Variants in GON4L observed in about 807,000 individuals in gnomAD.
GON4L encodes GON-4-like protein.
In GON4L, 87 loss-of-function variants were observed where a neutral mutation model predicts 211.8. That is an observed-to-expected ratio of 0.41 (90% CI 0.35 to 0.49). GON4L has a LOEUF of 0.49. GON4L is among the 20% of genes least tolerant of loss of function. The pLI, the probability that GON4L is intolerant of heterozygous loss-of-function variation, is 0.15. For missense variants in GON4L, 2,155 were observed against 2,659.5 expected (o/e 0.81, Z 4.17); for synonymous variants, 875 against 962.6 (o/e 0.91, Z 1.68).
At chr1:155,772,869 C>T (rs1197485384) in intron 18 of GON4L, among the ~76,000 whole-genome samples, 197 bp downstream of exon 18, 1 of 152,162 alleles carries the variant, frequency 6.6e-6, no homozygotes. Context: ...ATGTGTGTGA[C>T]ATCTCCCAAA....
rs770471651 is a variant in GON4L, at chr1:155,765,524, T to C, written c.3949A>G (p.Thr1317Ala). ...QGIQESLNNP[T>A]PGDLEEIVKM... is the part of the protein sequence containing the mutation. ...ACAATTTCCTCTAAATCCCCAGGGG[T>C]AGGGTTGTTTAGAGACTCCTGGATG... Residue 1317 changes from threonine (T) to alanine (A), a missense_variant, in exon 21 of 32, where the codon ACC becomes GCC. Thr to Ala is a moderately conservative substitution (Grantham distance 58). This residue lies in a region of GON4L where 615 missense variants were observed against 625.7 expected (regional missense o/e 0.98). Coordinates refer to ENST00000368331, the MANE Select transcript of GON4L (RefSeq NM_001282860.2). 2.5e-6 allele frequency: 4 copies of C among 1,613,976 alleles called. No individual in the cohort carries two copies. Among genetic ancestry groups the C allele is most frequent in the Middle Eastern group, 1.6e-4 (1 of 6,084 alleles).
At position 155,766,312 on chromosome 1, in the gene GON4L, C is replaced by T. The variant is rs750204505; in HGVS notation, c.3161G>A (p.Gly1054Asp). ...TCCACTGACCCCCAGTGGAGGGACA[C>T]CTGGAACTGTCTGTAAAACAGTGGC... ...QPATVLQTVP[G>D]VPPLGVSGGE... The change falls in exon 21 of 32, where the codon GGT becomes GAT. Residue 1054 changes from glycine to aspartate, a missense_variant. Gly to Asp is a moderately conservative substitution (Grantham distance 94). This residue lies in a region of GON4L where 615 missense variants were observed against 625.7 expected (regional missense o/e 0.98). Coordinates refer to ENST00000368331, the MANE Select transcript of GON4L (RefSeq NM_001282860.2). 1.6e-5 allele frequency: 26 copies of T among 1,613,980 alleles called. No homozygotes were observed. The highest frequency in any genetic ancestry group is 1.6e-4 in the Middle Eastern group (1 of 6,084).
At chr1:155,821,272 AAATAAT>A (rs887754986) in intron 5 of GON4L, among the ~76,000 whole-genome samples, 196 bp downstream of exon 5, 19 of 151,600 alleles carry the variant, frequency 1.3e-4, no homozygotes, top group Non-Finnish European at 2.2e-4. Context: ...TCTCAAAAAA[AAATAAT>A]AATAATAAAA....
chr1:155,767,969 T>C (rs1051257035), intron 19 of GON4L, among the ~76,000 whole-genome samples: 12 of 151,972 alleles, frequency 7.9e-5, no homozygotes, highest in Admixed American at 7.9e-4. Flanking sequence ...TGAAAGGCAT[T>C]AGAAGAGAAG....
intron 2 of GON4L, among the ~76,000 whole-genome samples, chr1:155,829,099 T>A (rs562534667): frequency 6.6e-6 from 1 of 152,264 alleles, no homozygotes; most frequent in East Asian, 1.9e-4. Context: ...TAGCCTGGAG[T>A]GCAGTAGCAT....
intron 2 of GON4L, among the ~76,000 whole-genome samples, chr1:155,830,715 T>C (rs977899520): frequency 6.6e-6 from 1 of 152,064 alleles, no homozygotes; most frequent in Non-Finnish European, 1.5e-5. Context: ...GCATCCCAAG[T>C]AGCTGAGACT....
At chr1:155,830,125 T>A (rs1329576811) in intron 2 of GON4L, among the ~76,000 whole-genome samples, 1 of 151,694 alleles carries the variant, frequency 6.6e-6, no homozygotes, top group African/African-American at 2.4e-5. Context: ...TAATTTTTTA[T>A]TTTTAGTAGA....
intron 11 of GON4L, among the ~76,000 whole-genome samples, chr1:155,801,412 T>C (rs1336498719): frequency 6.6e-6 from 1 of 152,100 alleles, no homozygotes; most frequent in African/African-American, 2.4e-5. Flanking sequence ...TTCTATACTT[T>C]GCATGTTAAT....
intron 13 of GON4L, 52 bp from the exon 14 acceptor site, chr1:155,784,141 T>G: frequency 6.2e-7 from 1 of 1,603,966 alleles, no homozygotes; most frequent in Non-Finnish European, 8.5e-7. Context: ...CTCTGAATGT[T>G]GCTCCAGTAT....
intron 2 of GON4L, chr1:155,833,013 A>G (rs1299315398): frequency 6.6e-6 from 1 of 151,990 alleles, no homozygotes; most frequent in Non-Finnish European, 1.5e-5. Flanking sequence ...AGACACTCAT[A>G]GTGTACTTTT....
chr1:155,835,546 T>C (rs1302235438), intron 2 of GON4L, among the ~76,000 whole-genome samples: 2 of 152,140 alleles, frequency 1.3e-5, no homozygotes, highest in Non-Finnish European at 2.9e-5. Flanking sequence ...GTCTCATGCT[T>C]TTGAGGGTCA....
intron 2 of GON4L, among the ~76,000 whole-genome samples, chr1:155,839,636 A>G (rs1016115725): frequency 4.6e-5 from 7 of 151,146 alleles, no homozygotes; most frequent in African/African-American, 1.7e-4. Context: ...GGGCAACAGA[A>G]TGAGACTCTG....
intron 2 of GON4L, among the ~76,000 whole-genome samples, chr1:155,842,427 G>A (rs1177885223): frequency 6.6e-6 from 1 of 151,664 alleles, no homozygotes; most frequent in Admixed American, 6.6e-5. Flanking sequence ...AGGAGGCTGA[G>A]GCAGGAGAAT....
At chr1:155,755,766 C>T (rs1661105664) in intron 27 of GON4L, among the ~76,000 whole-genome samples, 2 of 152,106 alleles carry the variant, frequency 1.3e-5, no homozygotes, top group African/African-American at 2.4e-5. Flanking sequence ...CTCTTCCAAT[C>T]CCCTTCAGAG....
chr1:155,765,078 A>G lies in GON4L; in HGVS notation c.4395T>C (p.Phe1465=). The change falls in exon 21 of 32, where the codon TTT becomes TTC. Residue 1465 remains phenylalanine, a synonymous_variant. Coordinates refer to ENST00000368331, the MANE Select transcript of GON4L (RefSeq NM_001282860.2). The stretch of plus-strand genomic sequence containing the variant: ...CTTCCTCATCTTGGGTGAGGTCATC[A>G]AAGTCCTCTTCTTCCTCTTCTTCTG... ...NGPEEEEEED[F]DDLTQDEEDE... is the part of the protein sequence containing the mutation. The G allele has an allele frequency of 6.2e-7, 1 of 1,614,152 alleles. No homozygotes were observed. Among genetic ancestry groups the G allele is most frequent in the African/African-American group, 1.3e-5 (1 of 75,050 alleles).
intron 10 of GON4L, 40 bp from the exon 11 acceptor site, chr1:155,805,181 T>C: frequency 1.5e-6 from 2 of 1,320,138 alleles, no homozygotes; most frequent in Middle Eastern, 1.9e-4. Context: ...GTGAGTGATG[T>C]TTCCAAACCT....
chr1:155,801,486 C>T (rs980399986), intron 11 of GON4L, among the ~76,000 whole-genome samples: 1 of 151,912 alleles, frequency 6.6e-6, no homozygotes, highest in Non-Finnish European at 1.5e-5. Flanking sequence ...GGCTTGTTAG[C>T]CCCTCTACTA....
chr1:155,771,844 C>A (rs1418992326), intron 18 of GON4L, among the ~76,000 whole-genome samples: 1 of 152,118 alleles, frequency 6.6e-6, no homozygotes, highest in African/African-American at 2.4e-5. Flanking sequence ...ATTTCAGATA[C>A]TTAGTGAGTA....
intron 14 of GON4L, among the ~76,000 whole-genome samples, chr1:155,779,326 T>C (rs1664172665): frequency 6.6e-6 from 1 of 152,034 alleles, no homozygotes; most frequent in Non-Finnish European, 1.5e-5. Flanking sequence ...AACAGATTTT[T>C]TTTTCTTTTG....
Sources: gnomAD v4.1 joint callset for allele counts (sites outside exome capture counted in the v4.1 genomes callset) on GRCh38, gnomAD v4.1.1 for gene constraint, gnomAD v4.1.1 regional missense constraint, MANE v1.5 for transcripts, NCBI Gene and HGNC (gene_info 2026-07-23, HGNC 2026-07-21) for gene names.